TAFA5: variants seen among roughly 807,000 people sequenced by gnomAD.
TAFA5 encodes the protein TAFA chemokine like family member 5.
In TAFA5, 6 loss-of-function variants were observed where a neutral mutation model predicts 15.3. That is an observed-to-expected ratio of 0.39 (90% CI 0.21 to 0.77). The LOEUF is 0.77. Among genes scored for constraint, TAFA5 ranks in the 30% least tolerant of loss-of-function variants. The pLI is 0.41. For synonymous variants in TAFA5, 103 were observed against 80.7 expected (o/e 1.28, Z -1.48); for missense variants, 161 against 193.1 (o/e 0.83, Z 0.98).
At chr22:48,689,989 C>A (rs964718746) in intron 2 of TAFA5, among the ~76,000 whole-genome samples, 22 of 152,110 alleles carry the variant, frequency 1.4e-4, no homozygotes, top group Admixed American at 6.5e-5. Context: ...GCAACCTCTT[C>A]CCTGGTGGCC....
chr22:48,644,489 G>A (rs1926794930), intron 1 of TAFA5, among the ~76,000 whole-genome samples: 1 of 152,226 alleles, frequency 6.6e-6, no homozygotes, highest in African/African-American at 2.4e-5. Context: ...GCCCACTAGA[G>A]TCATCCAGTG....
chr22:48,686,002 C>G (rs1243618453), intron 2 of TAFA5, among the ~76,000 whole-genome samples: 1 of 151,222 alleles, frequency 6.6e-6, no homozygotes, highest in Non-Finnish European at 1.5e-5. Context: ...GGAGTACACG[C>G]AGGCCCCACG....
chr22:48,616,645 T>TGCACTTTGTCCCACCAGATGGGCC lies in TAFA5; in HGVS notation c.113-29951_113-29928dup, dbSNP rs374045421. Among the ~76,000 whole-genome samples, 679 of 152,338 alleles carry TGCACTTTGTCCCACCAGATGGGCC rather than the reference T, an allele frequency of 4.5e-3. 2 individuals carry two copies. The highest frequency in any genetic ancestry group is 0.016 in the African/African-American group (655 of 41,568). Reference sequence around the variant, plus strand: ...GTGGCCTCGCTGAGGCCGGATGGGCTGCACTTTGTCCCACCAGATGGGCCA... The same window carrying TGCACTTTGTCCCACCAGATGGGCC: ...GTGGCCTCGCTGAGGCCGGATGGGCTGCACTTTGTCCCACCAGATGGGCCGCACTTTGTCCCACCAGATGGGCCA... On this transcript the variant is annotated intron_variant, in intron 1 of 3. Coordinates refer to ENST00000402357, the MANE Select transcript of TAFA5 (RefSeq NM_001082967.3).
intron 2 of TAFA5, among the ~76,000 whole-genome samples, chr22:48,699,872 G>A (rs1928849190): frequency 6.6e-6 from 1 of 152,136 alleles, no homozygotes; most frequent in African/African-American, 2.4e-5. Flanking sequence ...AGCACACACA[G>A]TGTGGCCCTG....
chr22:48,605,847 C>A (rs1353922506), intron 1 of TAFA5, among the ~76,000 whole-genome samples: 1 of 152,168 alleles, frequency 6.6e-6, no homozygotes, highest in African/African-American at 2.4e-5. Context: ...AGTTGGGATG[C>A]CTGGTGCTAA....
intron 2 of TAFA5, among the ~76,000 whole-genome samples, chr22:48,648,360 C>T (rs925106626): frequency 6.6e-6 from 1 of 152,178 alleles, no homozygotes; most frequent in African/African-American, 2.4e-5. Context: ...GATCCCACCG[C>T]CTCTGCCCAG....
intron 2 of TAFA5, among the ~76,000 whole-genome samples, chr22:48,656,386 G>A (rs1016943161): frequency 6.6e-6 from 1 of 151,918 alleles, no homozygotes; most frequent in Non-Finnish European, 1.5e-5. Flanking sequence ...GGTGCCTGTA[G>A]TCTTAGCTAC....
At chr22:48,701,831 G>T (rs115085748) in intron 2 of TAFA5, among the ~76,000 whole-genome samples, 3 of 152,166 alleles carry the variant, frequency 2.0e-5, no homozygotes, top group East Asian at 1.9e-4. Flanking sequence ...GTCCCAGCCC[G>T]CACTGGGCAG....
chr22:48,564,246 G>T lies in TAFA5; in HGVS notation c.112+74542G>T, dbSNP rs116939020. On this transcript the variant is annotated intron_variant, in intron 1 of 3. Coordinates refer to ENST00000402357, the MANE Select transcript of TAFA5 (RefSeq NM_001082967.3). Reference sequence around the variant, plus strand: ...AGCCTGAGGATGGCAGGAAGCTTGTGGCGGAACAGGGACGCTCCAGGTTGC... The same window carrying T: ...AGCCTGAGGATGGCAGGAAGCTTGTTGCGGAACAGGGACGCTCCAGGTTGC... Among the ~76,000 whole-genome samples the T allele has an allele frequency of 6.7e-4, 102 of 152,382 alleles. No individual in the cohort carries two copies. In the East Asian group the frequency reaches 0.019, roughly 28 times the overall value.
chr22:48,551,871 G>A (rs1224657353), intron 1 of TAFA5, among the ~76,000 whole-genome samples: 2 of 152,230 alleles, frequency 1.3e-5, no homozygotes, highest in African/African-American at 2.4e-5. Flanking sequence ...CCCATGGCAA[G>A]TGTGGGTGTG....
intron 1 of TAFA5, among the ~76,000 whole-genome samples, chr22:48,512,646 C>T (rs1392786873): frequency 2.0e-5 from 3 of 148,704 alleles, no homozygotes; most frequent in East Asian, 2.0e-4. Flanking sequence ...GACGGCCGGG[C>T]GCGGTGGCTC....
intron 2 of TAFA5, among the ~76,000 whole-genome samples, chr22:48,665,236 C>A (rs1287665073): frequency 1.3e-5 from 2 of 152,140 alleles, no homozygotes; most frequent in African/African-American, 4.8e-5. Context: ...TCATTTGCGT[C>A]TTCCACTCAT....
chr22:48,605,753 A>G (rs1925169954), intron 1 of TAFA5, among the ~76,000 whole-genome samples: 1 of 152,018 alleles, frequency 6.6e-6, no homozygotes, highest in Non-Finnish European at 1.5e-5. Context: ...TCACCCTGTG[A>G]CATGTACTGA....
At chr22:48,697,561 G>A (rs1305292646) in intron 2 of TAFA5, among the ~76,000 whole-genome samples, 1 of 151,746 alleles carries the variant, frequency 6.6e-6, no homozygotes, top group Non-Finnish European at 1.5e-5. Context: ...GGTGATGGTG[G>A]TGGTAGTATG....
At chr22:48,621,535 T>C (rs550394325) in intron 1 of TAFA5, among the ~76,000 whole-genome samples, 1 of 152,188 alleles carries the variant, frequency 6.6e-6, no homozygotes, top group Non-Finnish European at 1.5e-5. Flanking sequence ...TTGTGAGGTC[T>C]TCTCAGAGGG....
At chr22:48,690,962 C>T (rs1400736976) in intron 2 of TAFA5, among the ~76,000 whole-genome samples, 1 of 152,166 alleles carries the variant, frequency 6.6e-6, no homozygotes, top group Non-Finnish European at 1.5e-5. Flanking sequence ...CCAGAGAGCG[C>T]CCACAGCATC....
At chr22:48,660,336 G>A (rs1042652993) in intron 2 of TAFA5, among the ~76,000 whole-genome samples, 3 of 152,224 alleles carry the variant, frequency 2.0e-5, no homozygotes, top group Non-Finnish European at 2.9e-5. Flanking sequence ...GATGTGGCTC[G>A]GACTCTTTGG....
At chr22:48,645,875 GCTCA>G (rs1345402838) in intron 1 of TAFA5, among the ~76,000 whole-genome samples, 1 of 152,114 alleles carries the variant, frequency 6.6e-6, no homozygotes, top group African/African-American at 2.4e-5. Flanking sequence ...CGTGCCTGTG[GCTCA>G]CTCCAGGGGT....
intron 1 of TAFA5, among the ~76,000 whole-genome samples, chr22:48,571,579 T>TTG (rs1569029661): frequency 4.7e-4 from 44 of 93,996 alleles, no homozygotes; most frequent in Non-Finnish European, 6.4e-4. Context: ...GGCCTGTTTT[T>TTG]TTTTTTTTTT....
Sources: gnomAD v4.1 joint callset for allele counts (sites outside exome capture counted in the v4.1 genomes callset) on GRCh38, gnomAD v4.1.1 for gene constraint, MANE v1.5 for transcripts, NCBI Gene and HGNC (gene_info 2026-07-23, HGNC 2026-07-21) for gene names.